The following PDSS2 variants were observed in gnomAD, a reference collection of about 807,000 sequenced individuals.
PDSS2 encodes the protein decaprenyl diphosphate synthase subunit 2.
PDSS2 carries 31 observed loss-of-function variants against 44.5 expected under a neutral mutation model. That is an observed-to-expected ratio of 0.70 (90% confidence interval 0.52 to 0.94). The LOEUF (loss-of-function observed/expected upper bound fraction) is 0.94, where lower values mean the gene tolerates loss of function less well. Among genes scored for constraint, PDSS2 ranks in the 40% least tolerant of loss-of-function variants. The pLI is 0.00. For synonymous variants in PDSS2, 157 were observed against 180.3 expected (o/e 0.87, Z 1.03); for missense variants, 452 against 482.2 (o/e 0.94, Z 0.59).
intron 6 of PDSS2, among the ~76,000 whole-genome samples, chr6:107,201,390 C>CAAAAAAAAAAAAAAAAAAAAAAAAAAA (rs747612959): frequency 5.8e-5 from 3 of 52,150 alleles, no homozygotes; most frequent in Admixed American, 2.6e-4. Context: ...CATACAAAAG[C>CAAAAAAAAAAAAAAAAAAAAAAAAAAA]AAAAAAAAAA....
chr6:107,272,091 A>C (rs374252086), intron 3 of PDSS2, among the ~76,000 whole-genome samples: 7,916 of 151,596 alleles, frequency 0.052, 300 homozygotes, highest in Non-Finnish European at 0.079. Context: ...AAACAAAAAA[A>C]AAAAAAAGGA....
intron 4 of PDSS2, among the ~76,000 whole-genome samples, chr6:107,213,312 A>AT (rs35799290): frequency 3.5e-4 from 51 of 144,152 alleles, no homozygotes; most frequent in African/African-American, 5.8e-4. Flanking sequence ...CACCCAGATA[A>AT]TTTTTTTTTT....
At chr6:107,283,131 C>A (rs1776024799) in intron 2 of PDSS2, among the ~76,000 whole-genome samples, 1 of 151,292 alleles carries the variant, frequency 6.6e-6, no homozygotes, top group African/African-American at 2.4e-5. Flanking sequence ...CCAGCCTGGG[C>A]AACATAGGGA....
chr6:107,211,964 A>C, intron 5 of PDSS2, 145 bp downstream of exon 5: 2 of 707,836 alleles, frequency 2.8e-6, no homozygotes, highest in Admixed American at 2.2e-5. Context: ...TTTACATTAC[A>C]TAACAATCAT....
intron 1 of PDSS2, among the ~76,000 whole-genome samples, chr6:107,386,303 T>A (rs938483778): frequency 3.3e-5 from 5 of 151,908 alleles, no homozygotes; most frequent in African/African-American, 1.2e-4. Flanking sequence ...GACTCAAAAA[T>A]TCAAACTTTG....
chr6:107,456,307 G>C (rs1187224593), intron 1 of PDSS2, among the ~76,000 whole-genome samples: 1 of 152,194 alleles, frequency 6.6e-6, no homozygotes, highest in Non-Finnish European at 1.5e-5. Context: ...GGCAACAAGA[G>C]TGAAACTCTG....
At chr6:107,348,275 T>C (rs78144136) in intron 1 of PDSS2, among the ~76,000 whole-genome samples, 6,603 of 152,224 alleles carry the variant, frequency 0.043, 257 homozygotes, top group African/African-American at 0.11. Context: ...CTCCATCTTA[T>C]AGGTGAGGCT....
intron 2 of PDSS2, among the ~76,000 whole-genome samples, chr6:107,327,444 G>T (rs1288770282): frequency 6.6e-6 from 1 of 152,178 alleles, no homozygotes; most frequent in East Asian, 1.9e-4. Context: ...AAATATGAAG[G>T]AAAAATAAAA....
At chr6:107,314,553 C>T (rs189207425) in intron 2 of PDSS2, among the ~76,000 whole-genome samples, 1 of 152,260 alleles carries the variant, frequency 6.6e-6, no homozygotes, top group East Asian at 1.9e-4. Flanking sequence ...CCACAAAGGG[C>T]TAGCTATCCA....
chr6:107,203,802 C>T (rs1475005424), intron 6 of PDSS2, among the ~76,000 whole-genome samples: 4 of 152,156 alleles, frequency 2.6e-5, no homozygotes, highest in African/African-American at 9.7e-5. Flanking sequence ...ACCCATTAAA[C>T]AGTCTCTCCC....
chr6:107,156,050 T>C (rs927131172), intron 7 of PDSS2, among the ~76,000 whole-genome samples: 2 of 148,780 alleles, frequency 1.3e-5, no homozygotes, highest in African/African-American at 5.0e-5. Flanking sequence ...CCACCACACC[T>C]GGCTAATTTT....
Position 107,227,278 on chromosome 6 carries a change from C to CTTTTTTTTT in PDSS2, c.703-15005_703-14997dup, listed in dbSNP as rs60988844. ...GATTATAGGTGTAAGCCACTGTGCC[C>CTTTTTTTTT]TTTTTTTTTTTTTTTTTTTTTTTTT... On this transcript the variant is annotated intron_variant, in intron 4 of 7. Transcript: ENST00000369037. Among the ~76,000 whole-genome samples, 27 of 102,808 alleles carry CTTTTTTTTT rather than the reference C, an allele frequency of 2.6e-4. 3 individuals are homozygous for CTTTTTTTTT. The highest frequency in any genetic ancestry group is 3.5e-4 in the Non-Finnish European group (17 of 48,796). The allele number at this position is 102,808 out of a possible 152,430, so 67.4% of individuals were successfully genotyped here.
At chr6:107,178,934 T>C (rs1017136570) in intron 7 of PDSS2, among the ~76,000 whole-genome samples, 3 of 152,216 alleles carry the variant, frequency 2.0e-5, no homozygotes, top group Admixed American at 2.0e-4. Flanking sequence ...TGTGAGATAA[T>C]TGTGTGGACA....
chr6:107,272,807 ACT>A (rs1387451455), intron 3 of PDSS2, among the ~76,000 whole-genome samples: 1 of 151,986 alleles, frequency 6.6e-6, no homozygotes, highest in Middle Eastern at 3.2e-3. Flanking sequence ...ACACAGTGAG[ACT>A]CTGTCTCTAT....
intron 1 of PDSS2, among the ~76,000 whole-genome samples, chr6:107,406,996 T>C (rs1040490471): frequency 6.6e-5 from 10 of 152,202 alleles, no homozygotes; most frequent in African/African-American, 2.4e-4. Flanking sequence ...GCTCTCCTAT[T>C]TAGCCACTGA....
intron 3 of PDSS2, among the ~76,000 whole-genome samples, chr6:107,259,515 A>C (rs1416987477): frequency 6.6e-6 from 1 of 152,002 alleles, no homozygotes; most frequent in Non-Finnish European, 1.5e-5. Context: ...ATACAAAAAA[A>C]AAGGAAAAAA....
intron 1 of PDSS2, among the ~76,000 whole-genome samples, chr6:107,355,717 CTT>C (rs1302761025): frequency 6.6e-6 from 1 of 152,172 alleles, no homozygotes; most frequent in Non-Finnish European, 1.5e-5. Flanking sequence ...CTTAGTTTAA[CTT>C]AACTTTTTTC....
intron 7 of PDSS2, among the ~76,000 whole-genome samples, chr6:107,185,723 G>A (rs778100611): frequency 7.9e-5 from 12 of 152,098 alleles, no homozygotes; most frequent in African/African-American, 2.7e-4. Flanking sequence ...AATGTGGTCC[G>A]AGAGCCTTCT....
chr6:107,162,092 C>A (rs1034008081), intron 7 of PDSS2, among the ~76,000 whole-genome samples: 1 of 152,134 alleles, frequency 6.6e-6, no homozygotes, highest in Non-Finnish European at 1.5e-5. Flanking sequence ...TTGGGCACAT[C>A]ATTGGCTGCA....
Sources: gnomAD v4.1 joint callset for allele counts (sites outside exome capture counted in the v4.1 genomes callset) on GRCh38, gnomAD v4.1.1 for gene constraint, MANE v1.5 for transcripts, NCBI Gene and HGNC (gene_info 2026-07-23, HGNC 2026-07-21) for gene names.